NUP35: variants seen among roughly 807,000 people sequenced by gnomAD.
NUP35 encodes nucleoporin NUP35.
NUP35 carries 25 observed loss-of-function variants against 41.5 expected under a neutral mutation model. The ratio of observed to expected loss-of-function variants is 0.60; its 90% CI spans 0.44 to 0.84. The LOEUF is 0.84. NUP35 is among the 40% of genes least tolerant of loss of function. The pLI is 0.00. For synonymous variants in NUP35, 149 were observed against 130.7 expected (o/e 1.14, Z -0.96); for missense variants, 396 against 396.6 (o/e 1.00, Z 0.01).
At chr2:183,137,280 C>T (rs976906314) in intron 4 of NUP35, among the ~76,000 whole-genome samples, 3 of 152,064 alleles carry the variant, frequency 2.0e-5, no homozygotes, top group African/African-American at 7.2e-5. Context: ...TTGTTACACG[C>T]AGAAATAGTG....
upstream of NUP35, among the ~76,000 whole-genome samples, chr2:183,121,163 G>C (rs1457235966): frequency 6.6e-6 from 1 of 152,074 alleles, no homozygotes; most frequent in Non-Finnish European, 1.5e-5. Context: ...CAAAGCTGTT[G>C]GATACTGCAG....
Position 183,151,632 on chromosome 2 carries a change from T to G in NUP35, c.522T>G (p.Ser174=). Residue 174 remains serine (S), a synonymous_variant, in exon 5 of 9, where the codon TCT becomes TCG. Transcript: ENST00000295119. ...SLTSEDHLDD[S]WVTVFGFPQA... ...CTTCAGAAGATCACCTCGATGACTC[T>G]TGGGTGACTGTATTTGGGTAAGGTT... The G allele has an allele frequency of 1.2e-6, 2 of 1,613,662 alleles. No individual in the cohort carries two copies. Among genetic ancestry groups the G allele is most frequent in the African/African-American group, 2.7e-5 (2 of 75,054 alleles).
At chr2:183,143,908 T>C (rs918361293) in intron 4 of NUP35, among the ~76,000 whole-genome samples, 8 of 152,326 alleles carry the variant, frequency 5.3e-5, no homozygotes, top group African/African-American at 1.7e-4. Flanking sequence ...GTGTGTGCCA[T>C]ACTGCAAAGT....
At chr2:183,123,144 T>C (rs1235769029), upstream of NUP35, among the ~76,000 whole-genome samples, 1 of 152,094 alleles carries the variant, frequency 6.6e-6, no homozygotes, top group Non-Finnish European at 1.5e-5. Flanking sequence ...AGCAAGGTAA[T>C]AGATTCTCCC....
At chr2:183,124,337 A>G, upstream of NUP35, 2 of 1,577,324 alleles carry the variant, frequency 1.3e-6, no homozygotes, top group Non-Finnish European at 8.6e-7. Context: ...ACTTAAGCAT[A>G]GCGCAGGTCC....
At chr2:183,134,857 C>T (rs989060121) in intron 4 of NUP35, among the ~76,000 whole-genome samples, 3 of 151,760 alleles carry the variant, frequency 2.0e-5, no homozygotes, top group Non-Finnish European at 4.4e-5. Context: ...AACTCCTGAC[C>T]TTGTGATCTA....
At chr2:183,142,173 T>C (rs1685116739) in intron 4 of NUP35, among the ~76,000 whole-genome samples, 1 of 152,214 alleles carries the variant, frequency 6.6e-6, no homozygotes, top group Non-Finnish European at 1.5e-5. Context: ...ATTCTCAATT[T>C]TGCAAATGTG....
chr2:183,143,015 G>A (rs144175069), intron 4 of NUP35, among the ~76,000 whole-genome samples: 5,305 of 151,706 alleles, frequency 0.035, 291 homozygotes, highest in African/African-American at 0.12. Context: ...AATTAGCTGG[G>A]CGTGGTTGCA....
chr2:183,130,320 C>T (rs1684651529), intron 2 of NUP35, 98 bp from the exon 3 acceptor site: 2 of 1,269,272 alleles, frequency 1.6e-6, no homozygotes, highest in Non-Finnish European at 1.1e-6. Context: ...AAAGAACTAA[C>T]AGACAAGATT....
intron 4 of NUP35, among the ~76,000 whole-genome samples, chr2:183,140,855 A>G (rs1308886456): frequency 2.0e-5 from 3 of 151,688 alleles, no homozygotes; most frequent in Non-Finnish European, 4.4e-5. Flanking sequence ...ATTAAATAGA[A>G]CTTTAATACA....
upstream of NUP35, among the ~76,000 whole-genome samples, chr2:183,123,471 C>T (rs991941419): frequency 2.6e-5 from 4 of 152,108 alleles, no homozygotes; most frequent in African/African-American, 9.7e-5. Flanking sequence ...TTTCTGTGAA[C>T]CTACCATTTA....
chr2:183,142,862 A>T (rs1164930487), intron 4 of NUP35, among the ~76,000 whole-genome samples: 1 of 151,352 alleles, frequency 6.6e-6, no homozygotes, highest in Non-Finnish European at 1.5e-5. Flanking sequence ...GAAATATAGC[A>T]TTCTCTTCTC....
chr2:183,146,538 C>T (rs917122532), intron 4 of NUP35, among the ~76,000 whole-genome samples: 20 of 152,110 alleles, frequency 1.3e-4, no homozygotes, highest in African/African-American at 4.8e-4. Context: ...AATTTACACT[C>T]CCACCAACAG....
intron 5 of NUP35, among the ~76,000 whole-genome samples, chr2:183,157,179 C>T (rs4666892): frequency 0.046 from 6,932 of 151,840 alleles, 243 homozygotes; most frequent in South Asian, 0.15. Context: ...ATAATGGCAA[C>T]GAGAGTAGCA....
chr2:183,147,667 T>C (rs4666611), intron 4 of NUP35, among the ~76,000 whole-genome samples: 6,906 of 152,302 alleles, frequency 0.045, 244 homozygotes, highest in South Asian at 0.15. Context: ...ATTTGGGCTC[T>C]TCTTGCTTCC....
intron 4 of NUP35, among the ~76,000 whole-genome samples, chr2:183,141,315 G>A (rs937800276): frequency 6.6e-6 from 1 of 152,130 alleles, no homozygotes; most frequent in Non-Finnish European, 1.5e-5. Context: ...CTGAGGATCT[G>A]TAATCACATC....
In NUP35 at chr2:183,124,481, T is replaced by C. The variant is rs1237944372; in HGVS notation, c.24T>C (p.Pro8=). The change falls in exon 1 of 9, where the codon CCT becomes CCC. Residue 8 remains proline (P), a synonymous_variant. Coordinates refer to ENST00000295119, the MANE Select transcript of NUP35 (RefSeq NM_138285.5). MAAFAVE[P]QGPALGSEPM... ...CAATGGCAGCCTTTGCAGTGGAACC[T>C]CAGGGGCCCGCGTTAGGTGAGTGAA... 1.2e-6 allele frequency: 2 copies of C among 1,614,190 alleles called. No homozygotes were observed. Among genetic ancestry groups the C allele is most frequent in the South Asian group, 2.2e-5 (2 of 91,088 alleles).
At chr2:183,133,511 CTTACTGTATTTATGT>C in intron 3 of NUP35, 40 bp from the exon 4 acceptor site, 1 of 1,398,332 alleles carries the variant, frequency 7.2e-7, no homozygotes, top group Non-Finnish European at 1.0e-6. Context: ...CCTTTTAACA[CTTACTGTATTTATGT>C]TTTGCATTTT....
At chr2:183,153,167 TTCC>T (rs1354826651) in intron 5 of NUP35, among the ~76,000 whole-genome samples, 2 of 152,160 alleles carry the variant, frequency 1.3e-5, no homozygotes, top group Non-Finnish European at 2.9e-5. Context: ...TCTCCCTGGG[TTCC>T]TCCCACAACA....
Sources: allele counts gnomAD v4.1 joint callset (sites outside exome capture counted in the v4.1 genomes callset), GRCh38; gene constraint gnomAD v4.1.1; transcripts MANE v1.5; gene names NCBI Gene and HGNC (gene_info 2026-07-23, HGNC 2026-07-21).